Variants in ARSB observed in about 807,000 individuals in gnomAD.
The protein encoded by ARSB is arylsulfatase B, also known as N-acetylgalactosamine-4-sulfatase.
In ARSB, 41 loss-of-function variants were observed where a neutral mutation model predicts 50.9. The observed-to-expected ratio is 0.81, with a 90% CI of 0.63 to 1.04. The LOEUF (loss-of-function observed/expected upper bound fraction) is 1.04. Among genes scored for constraint, ARSB ranks in the 50% least tolerant of loss-of-function variants. ARSB has a pLI of 0.00. For synonymous variants in ARSB, 269 were observed against 284.8 expected (o/e 0.94, Z 0.56); for missense variants, 672 against 693.3 (o/e 0.97, Z 0.35).
Position 78,841,165 on chromosome 5 carries a change from C to CTAATAA in ARSB, c.1143-1740_1143-1739insTTATTA, listed in dbSNP as rs760097028. 5.7e-3 allele frequency among the ~76,000 whole-genome samples: 563 copies of CTAATAA among 98,230 alleles called. 7 individuals are homozygous for CTAATAA. The highest frequency in any genetic ancestry group is 0.02 in the African/African-American group (529 of 26,876). The allele number at this position is 98,230 out of a possible 152,430, so 64.4% of individuals were successfully genotyped here. A position where few individuals can be genotyped will look rare whatever the true frequency, so the allele number is the denominator to read the frequency against. On this transcript the variant is annotated intron_variant, in intron 5 of 7. Transcript: ENST00000264914. Reference sequence around the variant, plus strand: ...ACTACTACTACTACTACTACTACTACTACTAATAATAATAATAATTTGAGC... The same window carrying CTAATAA: ...ACTACTACTACTACTACTACTACTACTAATAATACTAATAATAATAATAATTTGAGC...
intron 5 of ARSB, among the ~76,000 whole-genome samples, chr5:78,866,604 C>T (rs1198180589): frequency 6.6e-6 from 1 of 152,182 alleles, no homozygotes; most frequent in Non-Finnish European, 1.5e-5. Flanking sequence ...AAAAGGGAGT[C>T]CAAGGAAGTA....
At chr5:78,853,031 T>C (rs922277431) in intron 5 of ARSB, among the ~76,000 whole-genome samples, 5 of 152,272 alleles carry the variant, frequency 3.3e-5, no homozygotes, top group Non-Finnish European at 7.3e-5. Context: ...AGTAGTTTGA[T>C]AGTCTGAAGC....
intron 1 of ARSB, among the ~76,000 whole-genome samples, chr5:78,973,143 T>C (rs968675870): frequency 5.3e-5 from 8 of 151,984 alleles, no homozygotes; most frequent in Non-Finnish European, 1.2e-4. Flanking sequence ...CGGGCACCAA[T>C]AGGAATCAAA....
intron 1 of ARSB, among the ~76,000 whole-genome samples, chr5:78,982,268 A>C (rs906695252): frequency 6.6e-6 from 1 of 152,252 alleles, no homozygotes; most frequent in African/African-American, 2.4e-5. Context: ...ATTTTGAGAC[A>C]GTCAAAAAAT....
At chr5:78,967,149 G>A (rs1397379320) in intron 2 of ARSB, among the ~76,000 whole-genome samples, 1 of 152,086 alleles carries the variant, frequency 6.6e-6, no homozygotes, top group Admixed American at 6.5e-5. Context: ...AGCTTGAACA[G>A]AAGAAAATAC....
intron 4 of ARSB, among the ~76,000 whole-genome samples, chr5:78,887,814 T>TCA (rs1488833052): frequency 9.9e-5 from 15 of 152,190 alleles, no homozygotes; most frequent in Admixed American, 9.2e-4. Context: ...TAGAGTGGGC[T>TCA]CACACATGTA....
At chr5:78,973,151 A>T (rs1752533348) in intron 1 of ARSB, among the ~76,000 whole-genome samples, 1 of 152,208 alleles carries the variant, frequency 6.6e-6, no homozygotes, top group South Asian at 2.1e-4. Context: ...AATAGGAATC[A>T]AAAGAAAAAA....
chr5:78,926,257 G>A (rs144148386), intron 4 of ARSB, among the ~76,000 whole-genome samples: 164 of 152,294 alleles, frequency 1.1e-3, no homozygotes, highest in African/African-American at 3.7e-3. Context: ...CAGCAAACAA[G>A]TTAAGCATCT....
At chr5:78,811,548 G>T (rs1743805354) in intron 6 of ARSB, among the ~76,000 whole-genome samples, 1 of 152,108 alleles carries the variant, frequency 6.6e-6, no homozygotes, top group African/African-American at 2.4e-5. Flanking sequence ...TTTTTTAAAG[G>T]ACAAAAGTAG....
At chr5:78,945,668 G>A (rs1473494942) in intron 4 of ARSB, among the ~76,000 whole-genome samples, 1 of 152,120 alleles carries the variant, frequency 6.6e-6, no homozygotes, top group Non-Finnish European at 1.5e-5. Context: ...GGCCCCTTCT[G>A]AGTGGACCCC....
At chr5:78,881,018 G>T (rs376668758) in intron 5 of ARSB, among the ~76,000 whole-genome samples, 118 of 152,250 alleles carry the variant, frequency 7.8e-4, no homozygotes, top group African/African-American at 2.6e-3. Flanking sequence ...GATCACTTGA[G>T]GCCAGGAGTT....
chr5:78,923,128 G>T (rs1749902922), intron 4 of ARSB, among the ~76,000 whole-genome samples: 1 of 152,188 alleles, frequency 6.6e-6, no homozygotes, highest in Non-Finnish European at 1.5e-5. Flanking sequence ...AAACAGGGAG[G>T]GAGGGAAAAA....
At position 78,967,873 on chromosome 5, in the gene ARSB, C is replaced by G. The variant is rs891165819; in HGVS notation, c.499+1133G>C. On this transcript the variant is annotated intron_variant, in intron 2 of 7. Transcript: ENST00000264914. ...GGAGGGTTGTAAATAAATAAATGAA[C>G]AGATGGGAGGTAGGTAGGTAGCTAA... Among the ~76,000 whole-genome samples, 3 of 151,872 alleles carry G rather than the reference C, an allele frequency of 2.0e-5. No homozygotes were observed. The South Asian group carries it at 6.3e-4, about 32-fold the overall frequency.
intron 4 of ARSB, among the ~76,000 whole-genome samples, chr5:78,945,472 C>T (rs2112452826): frequency 6.6e-6 from 1 of 152,308 alleles, no homozygotes; most frequent in East Asian, 1.9e-4. Flanking sequence ...TCCACCTTCC[C>T]TCTGCCTTTA....
chr5:78,971,874 C>T (rs1752469509), intron 1 of ARSB, among the ~76,000 whole-genome samples: 1 of 152,158 alleles, frequency 6.6e-6, no homozygotes, highest in Non-Finnish European at 1.5e-5. Context: ...GTGTACAGTT[C>T]ATTGTATGTC....
At chr5:78,953,722 C>A (rs1031097516) in intron 4 of ARSB, among the ~76,000 whole-genome samples, 2 of 152,076 alleles carry the variant, frequency 1.3e-5, no homozygotes, top group Non-Finnish European at 2.9e-5. Context: ...AGCCAAGAAT[C>A]TCTAGGGATT....
chr5:78,920,552 C>T (rs1318328850), intron 4 of ARSB, among the ~76,000 whole-genome samples: 1 of 152,160 alleles, frequency 6.6e-6, no homozygotes, highest in Non-Finnish European at 1.5e-5. Flanking sequence ...ACCCTGCTAG[C>T]CACAGGCCAT....
intron 5 of ARSB, among the ~76,000 whole-genome samples, chr5:78,867,771 G>C (rs1318988969): frequency 6.6e-6 from 1 of 151,604 alleles, no homozygotes; most frequent in Non-Finnish European, 1.5e-5. Flanking sequence ...TCCTCCAAAG[G>C]AACGCAGTTC....
chr5:78,930,069 T>TCA (rs1750250856), intron 4 of ARSB, among the ~76,000 whole-genome samples: 1 of 152,158 alleles, frequency 6.6e-6, no homozygotes, highest in African/African-American at 2.4e-5. Context: ...CAGGGTTATT[T>TCA]GCAGCCCTGA....
Sources: gnomAD v4.1 joint callset for allele counts (sites outside exome capture counted in the v4.1 genomes callset) on GRCh38, gnomAD v4.1.1 for gene constraint, MANE v1.5 for transcripts, NCBI Gene and HGNC (gene_info 2026-07-23, HGNC 2026-07-21) for gene names.